IQSEC1: variants seen among roughly 807,000 people sequenced by gnomAD.
IQSEC1 encodes IQ motif and SEC7 domain-containing protein 1.
A neutral mutation model predicts 91.0 loss-of-function variants in IQSEC1; 31 were observed. The ratio of observed to expected loss-of-function variants is 0.34; its 90% CI spans 0.26 to 0.46. The LOEUF (loss-of-function observed/expected upper bound fraction) is 0.46, where lower values mean the gene tolerates loss of function less well. Among genes scored for constraint, IQSEC1 ranks in the 20% least tolerant of loss-of-function variants. The pLI is 1.00. For synonymous variants in IQSEC1, 699 were observed against 662.6 expected (o/e 1.05, Z -0.84); for missense variants, 1,388 against 1,575.6 (o/e 0.88, Z 2.02).
chr3:13,174,499 C>T (rs554182376), intron 1 of IQSEC1, among the ~76,000 whole-genome samples: 12 of 152,270 alleles, frequency 7.9e-5, no homozygotes, highest in African/African-American at 1.2e-4. Flanking sequence ...CTCCTCCACC[C>T]GTCCCAGCGC....
At chr3:13,012,294 C>T (rs921006833) in intron 1 of IQSEC1, among the ~76,000 whole-genome samples, 3 of 152,202 alleles carry the variant, frequency 2.0e-5, no homozygotes, top group African/African-American at 7.2e-5. Context: ...CCTGCTCCCT[C>T]AGTTGCCATT....
intron 1 of IQSEC1, among the ~76,000 whole-genome samples, chr3:13,235,290 C>A (rs1032722036): frequency 1.7e-4 from 26 of 152,166 alleles, no homozygotes; most frequent in African/African-American, 5.1e-4. Flanking sequence ...CCACACCCTC[C>A]CCGGCGCTGG....
At chr3:12,937,568 G>C (rs1334074618) in intron 2 of IQSEC1, among the ~76,000 whole-genome samples, 2 of 152,238 alleles carry the variant, frequency 1.3e-5, no homozygotes, top group Non-Finnish European at 2.9e-5. Context: ...CCCCTTGGTA[G>C]CTGGGTGACC....
At chr3:13,224,334 G>A (rs1466521317) in intron 1 of IQSEC1, among the ~76,000 whole-genome samples, 1 of 152,114 alleles carries the variant, frequency 6.6e-6, no homozygotes, top group African/African-American at 2.4e-5. Context: ...CGAGAGGAAG[G>A]GTGGAAGGGC....
intron 1 of IQSEC1, among the ~76,000 whole-genome samples, chr3:13,220,756 C>T (rs1021142986): frequency 1.1e-4 from 17 of 152,200 alleles, no homozygotes; most frequent in African/African-American, 3.4e-4. Flanking sequence ...GTGTGAAGGG[C>T]GATGCCGCCT....
At chr3:12,902,668 A>ACCAAAAAAAAAAAAAAAAAAAAAAAAAC (rs1694469807) in intron 13 of IQSEC1, 105 bp downstream of exon 13, 3 of 281,002 alleles carry the variant, frequency 1.1e-5, no homozygotes, top group Non-Finnish European at 1.3e-5. Context: ...CAAAAAAAAA[A>ACCAAAAAAAAAAAAAAAAAAAAAAAAAC]CCAAAAAAAA....
intron 1 of IQSEC1, among the ~76,000 whole-genome samples, chr3:13,262,452 C>A (rs929436097): frequency 6.6e-6 from 1 of 152,168 alleles, no homozygotes; most frequent in Non-Finnish European, 1.5e-5. Flanking sequence ...GTTTCCTGGT[C>A]TATAAAATGC....
intron 1 of IQSEC1, among the ~76,000 whole-genome samples, chr3:12,999,725 C>A (rs1355309179): frequency 6.6e-6 from 1 of 152,232 alleles, no homozygotes; most frequent in Non-Finnish European, 1.5e-5. Flanking sequence ...AGTTCACCAT[C>A]GGTCATTACC....
chr3:13,177,738 C>T (rs779830647), intron 1 of IQSEC1, among the ~76,000 whole-genome samples: 2 of 152,244 alleles, frequency 1.3e-5, no homozygotes, highest in African/African-American at 2.4e-5. Flanking sequence ...ACTGCCTGTC[C>T]TGCTGTTGGT....
intron 1 of IQSEC1, among the ~76,000 whole-genome samples, chr3:13,199,526 G>A (rs1694197788): frequency 9.9e-5 from 15 of 152,138 alleles, no homozygotes; most frequent in Admixed American, 9.8e-4. Flanking sequence ...CAGCACCGGT[G>A]TCCCTGCCTG....
chr3:13,041,937 AGCAAG>A (rs1704287679), intron 1 of IQSEC1, among the ~76,000 whole-genome samples: 1 of 152,190 alleles, frequency 6.6e-6, no homozygotes, highest in Admixed American at 6.5e-5. Flanking sequence ...ACGAGGTCGG[AGCAAG>A]TGTACCGGGA....
At chr3:12,915,930 T>C (rs1481316047) in intron 6 of IQSEC1, among the ~76,000 whole-genome samples, 197 bp from the exon 7 acceptor site, 1 of 152,078 alleles carries the variant, frequency 6.6e-6, no homozygotes, top group Non-Finnish European at 1.5e-5. Flanking sequence ...GCCCAATACA[T>C]CCGACCCGGT....
intron 1 of IQSEC1, among the ~76,000 whole-genome samples, chr3:13,183,048 C>A (rs945287864): frequency 6.6e-6 from 1 of 152,020 alleles, no homozygotes; most frequent in African/African-American, 2.4e-5. Flanking sequence ...CCTGTAGTCC[C>A]AGCTACTCGG....
At position 12,913,514 on chromosome 3, in the gene IQSEC1, G is replaced by T; in HGVS notation, c.2230C>A (p.Arg744=). The stretch of plus-strand genomic sequence containing the variant: ...TTTGGGTCTGGAACCTCAAAGAGCC[G>T]GCAGTAGCAGACCAACCGACGGTGG... ...LPHRRLVCYC[R]LFEVPDPNKP... is the part of the protein sequence containing the mutation. The change falls in exon 9 of 14, where the codon CGG becomes AGG. Residue 744 remains arginine, a synonymous_variant. Coordinates refer to ENST00000613206, the MANE Select transcript of IQSEC1 (RefSeq NM_001134382.3). 6.2e-7 allele frequency: 1 copy of T among 1,607,620 alleles called. No homozygotes were observed. Among genetic ancestry groups the T allele is most frequent in the South Asian group, 1.1e-5 (1 of 90,884 alleles).
intron 1 of IQSEC1, among the ~76,000 whole-genome samples, chr3:13,176,914 A>G (rs357136): frequency 0.83 from 125,976 of 152,290 alleles, 52,256 homozygotes; most frequent in African/African-American, 0.87. Flanking sequence ...GTACTGATAC[A>G]TACAAACATC....
rs1322618825 is a variant in IQSEC1 at position 12,936,007 on chromosome 3, C to A, written c.1009G>T (p.Asp337Tyr). The A allele has an allele frequency of 4.4e-6, 7 of 1,600,544 alleles. No individual in the cohort carries two copies. Among genetic ancestry groups the A allele is most frequent in the Non-Finnish European group, 2.5e-6 (3 of 1,179,800 alleles). ...CAGCTCGTGTCCGTGTCAGCCTTGT[C>A]CTCTTTGTGGGCCAGGGCCCAGTAG... ...PDYWALAHKE[D>Y]KADTDTSCRS... Residue 337 changes from aspartate (D) to tyrosine (Y), a missense_variant, in exon 3 of 14, where the codon GAC becomes TAC. By Grantham distance (160) the Asp-to-Tyr change is radical. Around this residue, in one of 2 missense-constraint regions of IQSEC1, gnomAD observed 1,059 missense variants for 1,317.8 expected, o/e 0.80. Coordinates refer to ENST00000613206, the MANE Select transcript of IQSEC1 (RefSeq NM_001134382.3).
intron 2 of IQSEC1, among the ~76,000 whole-genome samples, chr3:13,135,595 G>C (rs1576266140): frequency 6.6e-6 from 1 of 152,258 alleles, no homozygotes; most frequent in East Asian, 1.9e-4. Flanking sequence ...CCAGGCTTGA[G>C]GGAGTCGGGA....
chr3:13,079,529 G>A (rs1705616634), intron 2 of IQSEC1, among the ~76,000 whole-genome samples: 1 of 152,200 alleles, frequency 6.6e-6, no homozygotes, highest in South Asian at 2.1e-4. Flanking sequence ...TGAGAGGCAG[G>A]CCCAGAGGTT....
Position 13,207,329 on chromosome 3 carries a change from C to T in IQSEC1, c.273-43196G>A, listed in dbSNP as rs1694362076. On this transcript the variant is annotated intron_variant, in intron 1 of 15. Transcript: ENST00000648114. This position sits in a 1 kb window ranked among gnomAD's most constrained non-coding sequence, Gnocchi z 4.8. ...CGGCAGGTCCTAACAGCTTCCGCTCCAACACCCATCGCCAATCTGCCTACT... is the reference window on the plus strand; with the variant it reads ...CGGCAGGTCCTAACAGCTTCCGCTCTAACACCCATCGCCAATCTGCCTACT... Among the ~76,000 whole-genome samples, 1 of 152,156 alleles carries T rather than the reference C, an allele frequency of 6.6e-6. No homozygotes were observed. Among genetic ancestry groups the T allele is most frequent in the Admixed American group, 6.5e-5 (1 of 15,286 alleles).
Sources: gnomAD v4.1 joint callset for allele counts (sites outside exome capture counted in the v4.1 genomes callset) on GRCh38, gnomAD v4.1.1 for gene constraint, gnomAD v4.1.1 regional missense constraint, Gnocchi (gnomAD v3.1) non-coding constraint, MANE v1.5 for transcripts, NCBI Gene and HGNC (gene_info 2026-07-23, HGNC 2026-07-21) for gene names.